The following UMAD1 variants were observed in gnomAD, a reference collection of about 807,000 sequenced individuals.
UMAD1 encodes UBAP1-MVB12-associated (UMA) domain containing 1.
UMAD1 carries 8 observed loss-of-function variants against 6.1 expected under a neutral mutation model. That is an observed-to-expected ratio of 1.30 (90% CI 0.76 to 2.35). The LOEUF (loss-of-function observed/expected upper bound fraction) is 2.35, where lower values mean the gene tolerates loss of function less well. Ranked by LOEUF, UMAD1 falls within the 30% of genes most tolerant of loss-of-function variation. The pLI, the probability that UMAD1 is intolerant of heterozygous loss-of-function variation, is 0.00. For synonymous variants in UMAD1, 56 were observed against 31.4 expected (o/e 1.78, Z -2.61); for missense variants, 130 against 78.4 (o/e 1.66, Z -2.49).
At chr7:7,814,450 A>G (rs1406534141) in intron 3 of UMAD1, among the ~76,000 whole-genome samples, 1 of 152,120 alleles carries the variant, frequency 6.6e-6, no homozygotes, top group East Asian at 1.9e-4. Context: ...TTAAGACCTT[A>G]TGAGATATGC....
intron 2 of UMAD1, among the ~76,000 whole-genome samples, chr7:7,749,755 C>T (rs1781642529): frequency 6.6e-6 from 1 of 152,070 alleles, no homozygotes; most frequent in Non-Finnish European, 1.5e-5. Context: ...TGTATGTTCT[C>T]ATAAAAGGTG....
intron 1 of UMAD1, among the ~76,000 whole-genome samples, chr7:7,644,857 G>C (rs930099919): frequency 1.3e-5 from 2 of 152,142 alleles, no homozygotes; most frequent in African/African-American, 4.8e-5. Flanking sequence ...AGGAAAAACT[G>C]TGTTGGAATT....
intron 2 of UMAD1, among the ~76,000 whole-genome samples, chr7:7,756,825 G>T (rs1781787758): frequency 6.6e-6 from 1 of 152,212 alleles, no homozygotes; most frequent in Non-Finnish European, 1.5e-5. Flanking sequence ...GTTACAGTCT[G>T]CTCAGAATTC....
chr7:7,683,865 C>T (rs754778435), intron 2 of UMAD1, among the ~76,000 whole-genome samples: 5 of 152,158 alleles, frequency 3.3e-5, no homozygotes, highest in South Asian at 2.1e-4. Flanking sequence ...TCAGGTGATC[C>T]GCCTGCCTTG....
At chr7:7,843,496 G>T (rs1381543452) in intron 3 of UMAD1, among the ~76,000 whole-genome samples, 1 of 152,156 alleles carries the variant, frequency 6.6e-6, no homozygotes. Context: ...GAGTGGATTG[G>T]CAATGAAGAA....
At chr7:7,656,218 G>T (rs116242803) in intron 1 of UMAD1, among the ~76,000 whole-genome samples, 366 of 152,230 alleles carry the variant, frequency 2.4e-3, no homozygotes, top group African/African-American at 8.5e-3. Flanking sequence ...GTGGTTCTGA[G>T]GGTGGAAGTG....
At chr7:7,736,247 C>T (rs1781357276) in intron 2 of UMAD1, 1 of 152,310 alleles carries the variant, frequency 6.6e-6, no homozygotes, top group African/African-American at 2.4e-5. Context: ...AAAGTGTCTG[C>T]TGGTCAGGCC....
At position 7,877,383 on chromosome 7, in the gene UMAD1, A is replaced by G. The variant is rs1784440366; in HGVS notation, c.259A>G (p.Ser87Gly). ...CAGCTCATTAATGGCCGAGCTCCTG[A>G]GCGATGTGCCGTTCACCCTGGCCCC... is the stretch of plus-strand genomic sequence containing the variant. ...ENSSLMAELL[S>G]DVPFTLAPHV... Residue 87 changes from serine (S) to glycine (G), a missense_variant, in exon 4 of 4, where the codon AGC becomes GGC. Transcript: ENST00000682710. The G allele has an allele frequency of 4.2e-6, 3 of 717,464 alleles. No individual in the cohort carries two copies. The highest frequency in any genetic ancestry group is 3.0e-5 in the South Asian group (2 of 67,610). The allele number at this position is 717,464 out of a possible 1,614,324, so 44.4% of individuals were successfully genotyped here. A position where few individuals can be genotyped will look rare whatever the true frequency, so the allele number is the denominator to read the frequency against.
chr7:7,839,050 G>GTA (rs1484162781), intron 3 of UMAD1, among the ~76,000 whole-genome samples: 3 of 152,160 alleles, frequency 2.0e-5, no homozygotes, highest in Non-Finnish European at 4.4e-5. Flanking sequence ...AGAGTTCCTG[G>GTA]TAATGTTCTG....
At chr7:7,695,437 T>C (rs566940834) in intron 2 of UMAD1, among the ~76,000 whole-genome samples, 1 of 151,616 alleles carries the variant, frequency 6.6e-6, no homozygotes, top group East Asian at 1.9e-4. Flanking sequence ...CATAATACGT[T>C]GATTTTTTTT....
chr7:7,874,183 C>T (rs1160600042), intron 3 of UMAD1, among the ~76,000 whole-genome samples: 1 of 152,204 alleles, frequency 6.6e-6, no homozygotes, highest in African/African-American at 2.4e-5. Context: ...TCCATTCCAT[C>T]AGCAAATTGT....
chr7:7,820,231 A>G (rs1267201436), intron 3 of UMAD1, among the ~76,000 whole-genome samples: 4 of 72,620 alleles, frequency 5.5e-5, no homozygotes, highest in African/African-American at 1.8e-4. Context: ...GATAAATTAT[A>G]GACTAAAGCA....
chr7:7,648,896 C>T (rs1785157726), intron 1 of UMAD1, among the ~76,000 whole-genome samples: 2 of 151,612 alleles, frequency 1.3e-5, no homozygotes, highest in African/African-American at 4.8e-5. Flanking sequence ...CGGTCGCTCA[C>T]ACTTGTAATC....
chr7:7,703,484 A>C (rs1158368017), intron 2 of UMAD1, among the ~76,000 whole-genome samples: 1 of 152,230 alleles, frequency 6.6e-6, no homozygotes, highest in African/African-American at 2.4e-5. Context: ...TTGTGTGGAT[A>C]TAGCACATAC....
chr7:7,802,989 G>C (rs1255799982), intron 3 of UMAD1, among the ~76,000 whole-genome samples: 1 of 152,062 alleles, frequency 6.6e-6, no homozygotes, highest in Admixed American at 6.6e-5. Flanking sequence ...TTCATGAGGA[G>C]GAAGAAAATC....
chr7:7,874,745 AAAAC>A (rs1358947326), intron 3 of UMAD1, among the ~76,000 whole-genome samples: 1 of 152,242 alleles, frequency 6.6e-6, no homozygotes, highest in East Asian at 1.9e-4. Context: ...AATTAATTAA[AAAAC>A]AAAACCAGGT....
chr7:7,795,015 A>G (rs949201237), intron 2 of UMAD1, among the ~76,000 whole-genome samples: 6 of 152,228 alleles, frequency 3.9e-5, no homozygotes, highest in Admixed American at 1.3e-4. Context: ...ACCAACTGCC[A>G]ATCAGAAAAT....
rs1168069995 is a variant in UMAD1 at position 7,705,305 on chromosome 7, T to TA, written c.82+31859dup. ...CTGTTTTGGAAAAATATCTGACTTA[T>TA]AAAAAAATAGAATCTTAAAAATGTT... On this transcript the variant is annotated intron_variant, in intron 2 of 3. Coordinates refer to ENST00000682710, the MANE Select transcript of UMAD1 (RefSeq NM_001302348.2). 6.6e-5 allele frequency among the ~76,000 whole-genome samples: 10 copies of TA among 152,244 alleles called. No individual in the cohort carries two copies. The East Asian group carries it at 1.9e-3, about 29-fold the overall frequency.
chr7:7,643,435 G>A (rs924185757), intron 1 of UMAD1, among the ~76,000 whole-genome samples: 2 of 152,246 alleles, frequency 1.3e-5, no homozygotes, highest in African/African-American at 4.8e-5. Flanking sequence ...TCAGGGCCGG[G>A]CGCGGTGGCT....
Sources: gnomAD v4.1 joint callset for allele counts (sites outside exome capture counted in the v4.1 genomes callset) on GRCh38, gnomAD v4.1.1 for gene constraint, MANE v1.5 for transcripts, NCBI Gene and HGNC (gene_info 2026-07-23, HGNC 2026-07-21) for gene names.